Variants in NUP98 observed in about 807,000 individuals in gnomAD.
NUP98 encodes the protein nucleoporin 98 and 96 precursor.
NUP98 carries 26 observed loss-of-function variants against 191.9 expected under a neutral mutation model. The ratio of observed to expected loss-of-function variants is 0.14; its 90% CI spans 0.10 to 0.19. The LOEUF is 0.19. NUP98 is among the 10% of genes least tolerant of loss of function. NUP98 has a pLI of 1.00. For missense variants in NUP98, 1,941 were observed against 2,178.8 expected (o/e 0.89, Z 2.17); for synonymous variants, 808 against 778.4 (o/e 1.04, Z -0.63).
rs917386197 is a variant in NUP98, at chr11:3,711,918, G to A, written c.2742+646C>T. The A allele has an allele frequency of 3.8e-6, 4 of 1,039,196 alleles. No individual in the cohort carries two copies. In the African/African-American group the frequency reaches 6.7e-5, roughly 17 times the overall value. 64.4% of individuals were successfully genotyped at this position (1,039,196 alleles called of 1,614,324 possible). A position where few individuals can be genotyped will look rare whatever the true frequency, so the allele number is the denominator to read the frequency against. On this transcript the variant is annotated intron_variant, in intron 20 of 32. Coordinates refer to ENST00000324932, the MANE Select transcript of NUP98 (RefSeq NM_016320.5). ...AATTATAGCATGGAAAATACCAAAGGTCTAGCTTTCAGCAGCTGAGAGGTA... is the reference window on the plus strand; with the variant it reads ...AATTATAGCATGGAAAATACCAAAGATCTAGCTTTCAGCAGCTGAGAGGTA...
At chr11:3,778,741 T>C in intron 4 of NUP98, 132 bp downstream of exon 4, 1 of 863,954 alleles carries the variant, frequency 1.2e-6, no homozygotes, top group Non-Finnish European at 1.8e-6. Flanking sequence ...ATATTGAAGT[T>C]TTCCTCTTCC....
At chr11:3,783,998 G>C (rs2082059255) in intron 1 of NUP98, among the ~76,000 whole-genome samples, 1 of 152,132 alleles carries the variant, frequency 6.6e-6, no homozygotes, top group African/African-American at 2.4e-5. Flanking sequence ...TCTGCTAGCA[G>C]ACAATAAATT....
At chr11:3,718,635 T>C (rs2079274479) in intron 18 of NUP98, among the ~76,000 whole-genome samples, 1 of 152,184 alleles carries the variant, frequency 6.6e-6, no homozygotes, top group South Asian at 2.1e-4. Context: ...GCTCAGATTT[T>C]CTATTTCTTC....
chr11:3,754,492 T>C (rs2080887551), intron 10 of NUP98, among the ~76,000 whole-genome samples: 1 of 152,168 alleles, frequency 6.6e-6, no homozygotes, highest in South Asian at 2.1e-4. Flanking sequence ...TAAAGGTCCT[T>C]GCTAAGAAAA....
In NUP98 at chr11:3,771,833, G is replaced by A; in HGVS notation, c.699C>T (p.Ala233=). 6.2e-7 allele frequency: 1 copy of A among 1,614,170 alleles called. No homozygotes were observed. The highest frequency in any genetic ancestry group is 8.5e-7 in the Non-Finnish European group (1 of 1,180,040). ...TGAAGAGTCCTGTTGCGCTGGAAGT[G>A]GCTGGAGAAGACCCAAACAAGCCAG... ...TTTGLFGSSP[A]TSSATGLFSS... is the part of the protein sequence containing the mutation. Residue 233 remains alanine (A), a synonymous_variant, in exon 7 of 33, where the codon GCC becomes GCT. Coordinates refer to ENST00000324932, the MANE Select transcript of NUP98 (RefSeq NM_016320.5).
At chr11:3,684,486 A>G (rs1366182125) in intron 29 of NUP98, among the ~76,000 whole-genome samples, 1 of 152,102 alleles carries the variant, frequency 6.6e-6, no homozygotes, top group Non-Finnish European at 1.5e-5. Context: ...CTTTTTCAGG[A>G]AACAAGATCT....
At chr11:3,793,321 G>A (rs1260428796) in intron 1 of NUP98, among the ~76,000 whole-genome samples, 1 of 151,966 alleles carries the variant, frequency 6.6e-6, no homozygotes. Flanking sequence ...ATGGAGTCTT[G>A]CTCTGTCACC....
At chr11:3,739,467 G>C (rs901980029) in intron 12 of NUP98, among the ~76,000 whole-genome samples, 3 of 151,866 alleles carry the variant, frequency 2.0e-5, no homozygotes, top group African/African-American at 7.3e-5. Flanking sequence ...CAGGATGGTC[G>C]AACTCCTGAC....
At chr11:3,721,194 C>G (rs2079387701) in intron 16 of NUP98, among the ~76,000 whole-genome samples, 1 of 152,112 alleles carries the variant, frequency 6.6e-6, no homozygotes, top group Non-Finnish European at 1.5e-5. Flanking sequence ...ATAAAATACT[C>G]TGAGAAAAGC....
rs147009235 is a variant in NUP98, at chr11:3,678,592, G to A, written c.5073+962C>T. 3.8e-3 allele frequency among the ~76,000 whole-genome samples: 572 copies of A among 152,308 alleles called. 7 individuals are homozygous for A. Among genetic ancestry groups the A allele is most frequent in the African/African-American group, 0.013 (529 of 41,558 alleles). Reference sequence around the variant, plus strand: ...AGCAACCTAGATCTTAAAAGGATGAGTTTAAGTGTGCTAGGTAGTGTGGAA... The same window carrying A: ...AGCAACCTAGATCTTAAAAGGATGAATTTAAGTGTGCTAGGTAGTGTGGAA... On this transcript the variant is annotated intron_variant, in intron 31 of 32. Coordinates refer to ENST00000324932, the MANE Select transcript of NUP98 (RefSeq NM_016320.5).
At position 3,686,871 on chromosome 11, in the gene NUP98, C is replaced by T. The variant is rs375640049; in HGVS notation, c.4455-677G>A. Among the ~76,000 whole-genome samples, 35 of 152,158 alleles carry T rather than the reference C, an allele frequency of 2.3e-4. No individual in the cohort carries two copies. The South Asian group carries it at 6.9e-3, about 30-fold the overall frequency. Reference sequence around the variant, plus strand: ...GTGTGGTAGTGCATGCCTGTATTCCCGGCTACTCAGGAGGCTGTGGCACAA... The same window carrying T: ...GTGTGGTAGTGCATGCCTGTATTCCTGGCTACTCAGGAGGCTGTGGCACAA... On this transcript the variant is annotated intron_variant, in intron 28 of 32. Coordinates refer to ENST00000324932, the MANE Select transcript of NUP98 (RefSeq NM_016320.5).
At chr11:3,719,707 AGG>A (rs1175195782) in intron 17 of NUP98, among the ~76,000 whole-genome samples, 157 bp from the exon 18 acceptor site, 3 of 99,856 alleles carry the variant, frequency 3.0e-5, no homozygotes, top group Non-Finnish European at 5.9e-5. Context: ...ATGGGGACTT[AGG>A]GAGAGTAACT....
At chr11:3,753,994 A>T (rs1185543818) in intron 10 of NUP98, among the ~76,000 whole-genome samples, 2 of 151,936 alleles carry the variant, frequency 1.3e-5, no homozygotes, top group South Asian at 4.1e-4. Flanking sequence ...TATCAATTCA[A>T]TATAGGATAA....
intron 5 of NUP98, among the ~76,000 whole-genome samples, chr11:3,774,157 T>C (rs1055982215): frequency 6.6e-6 from 1 of 151,956 alleles, no homozygotes; most frequent in Non-Finnish European, 1.5e-5. Flanking sequence ...CCTAGCACTC[T>C]GGGAGGCCGA....
Position 3,702,473 on chromosome 11 carries a change from C to T in NUP98, c.3502G>A (p.Ala1168Thr), listed in dbSNP as rs562940536. Residue 1168 changes from alanine (A) to threonine (T), a missense_variant, in exon 23 of 33, where the codon GCT (alanine) becomes ACT (threonine). Physicochemically the swap from Ala to Thr is moderately conservative, Grantham distance 58. Coordinates refer to ENST00000324932, the MANE Select transcript of NUP98 (RefSeq NM_016320.5). ...AGAAATGTGACTCACGGTTTAACAG[C>T]TACTGGATTGGGCAGGAATCCAAAC... ...MEFGFLPNPVAVKPLTESPFK... is the reference protein window; with the variant it reads ...MEFGFLPNPVTVKPLTESPFK... 6.2e-7 allele frequency: 1 copy of T among 1,613,220 alleles called. No homozygotes were observed. The highest frequency in any genetic ancestry group is 2.2e-5 in the East Asian group (1 of 44,864).
At chr11:3,750,024 G>A (rs1445990018) in intron 11 of NUP98, among the ~76,000 whole-genome samples, 1 of 152,140 alleles carries the variant, frequency 6.6e-6, no homozygotes, top group African/African-American at 2.4e-5. Context: ...AACAAAAAAT[G>A]TTCACTGAGG....
intron 25 of NUP98, among the ~76,000 whole-genome samples, chr11:3,698,757 G>A (rs1388151961): frequency 7.1e-6 from 1 of 141,384 alleles, no homozygotes; most frequent in Non-Finnish European, 1.5e-5. Context: ...AAAAAGTCAT[G>A]GTTCCTATTC....
At chr11:3,707,250 CT>C (rs2078888021) in intron 20 of NUP98, among the ~76,000 whole-genome samples, 1 of 152,080 alleles carries the variant, frequency 6.6e-6, no homozygotes, top group East Asian at 1.9e-4. Flanking sequence ...GGAAGAATCC[CT>C]TTATGTTTAA....
chr11:3,702,999 T>A (rs1219043958), intron 22 of NUP98, 107 bp from the exon 23 acceptor site: 1 of 922,984 alleles, frequency 1.1e-6, no homozygotes, highest in Non-Finnish European at 1.6e-6. Context: ...CAATGTTTAA[T>A]CAAACTACTT....
Sources: allele counts gnomAD v4.1 joint callset (sites outside exome capture counted in the v4.1 genomes callset), GRCh38; gene constraint gnomAD v4.1.1; transcripts MANE v1.5; gene names NCBI Gene and HGNC (gene_info 2026-07-23, HGNC 2026-07-21).